Variants in SCD5 observed in about 807,000 individuals in gnomAD.
SCD5 encodes the protein stearoyl-CoA desaturase 5, also known as acyl-CoA-desaturase 4.
In SCD5, 20 loss-of-function variants were observed where a neutral mutation model predicts 30.4. That is an observed-to-expected ratio of 0.66 (90% confidence interval 0.46 to 0.96). The LOEUF is 0.96. Ranked by LOEUF, SCD5 falls within the 40% of genes least tolerant of loss-of-function variation. The pLI is 0.00. For missense variants in SCD5, 381 were observed against 443.3 expected, an observed-to-expected ratio of 0.86 and a Z score of 1.26; for synonymous variants, 173 against 176.4, an observed-to-expected ratio of 0.98 and a Z score of 0.16.
chr4:82,778,765 A>G (rs887745180), intron 1 of SCD5, among the ~76,000 whole-genome samples: 1 of 152,236 alleles, frequency 6.6e-6, no homozygotes, highest in African/African-American at 2.4e-5. Flanking sequence ...GCAGAATAAC[A>G]GCTCCCAGAG....
chr4:82,739,414 A>G (rs1286368005), intron 1 of SCD5, among the ~76,000 whole-genome samples: 1 of 152,228 alleles, frequency 6.6e-6, no homozygotes, highest in African/African-American at 2.4e-5. Flanking sequence ...TTAAATTTCC[A>G]GCAATTTATG....
intron 1 of SCD5, among the ~76,000 whole-genome samples, chr4:82,770,722 A>C (rs1388963755): frequency 6.6e-6 from 1 of 152,208 alleles, no homozygotes; most frequent in Admixed American, 6.5e-5. Context: ...ATGGCTTCTT[A>C]CCACAAGCTC....
At chr4:82,751,245 G>A (rs1721094968) in intron 1 of SCD5, among the ~76,000 whole-genome samples, 1 of 152,108 alleles carries the variant, frequency 6.6e-6, no homozygotes, top group Non-Finnish European at 1.5e-5. Flanking sequence ...GCTCAGGCTG[G>A]AGTGCAGTGG....
intron 1 of SCD5, among the ~76,000 whole-genome samples, chr4:82,737,525 A>AT (rs994948673): frequency 6.6e-6 from 1 of 152,086 alleles, no homozygotes; most frequent in Non-Finnish European, 1.5e-5. Context: ...CTGCTGCCCC[A>AT]TTTTCTGGTG....
chr4:82,766,272 C>T (rs11726264), intron 1 of SCD5, among the ~76,000 whole-genome samples: 41,280 of 152,130 alleles, frequency 0.27, 6,848 homozygotes, highest in African/African-American at 0.47. Flanking sequence ...TCTGTTCTTT[C>T]CTTCTTTTTC....
intron 1 of SCD5, among the ~76,000 whole-genome samples, chr4:82,797,172 A>T (rs1722242886): frequency 6.6e-6 from 1 of 152,194 alleles, no homozygotes; most frequent in African/African-American, 2.4e-5. Context: ...CACCATGCCA[A>T]AAAAGCCCTG....
intron 1 of SCD5, among the ~76,000 whole-genome samples, chr4:82,797,212 C>T (rs1200137150): frequency 6.6e-6 from 1 of 152,188 alleles, no homozygotes; most frequent in African/African-American, 2.4e-5. Flanking sequence ...CTTCCTTCCT[C>T]TTCCCCTCTG....
At chr4:82,726,556 C>T (rs1720473662) in intron 1 of SCD5, among the ~76,000 whole-genome samples, 1 of 129,236 alleles carries the variant, frequency 7.7e-6, no homozygotes, top group African/African-American at 3.6e-5. Flanking sequence ...AAGAAAGCAG[C>T]TGTTTTTTTT....
At chr4:82,693,531 T>C (rs1282839879) in intron 2 of SCD5, among the ~76,000 whole-genome samples, 1 of 152,012 alleles carries the variant, frequency 6.6e-6, no homozygotes, top group Non-Finnish European at 1.5e-5. Context: ...AGAGAGAGCT[T>C]ATTGGAAATT....
At chr4:82,706,440 G>A (rs572406034) in intron 1 of SCD5, among the ~76,000 whole-genome samples, 1 of 152,350 alleles carries the variant, frequency 6.6e-6, no homozygotes, top group East Asian at 1.9e-4. Context: ...TTGCATGGTT[G>A]TCTGTCTATC....
chr4:82,712,970 T>G (rs1042222686), intron 1 of SCD5, among the ~76,000 whole-genome samples: 4 of 152,232 alleles, frequency 2.6e-5, no homozygotes, highest in African/African-American at 9.6e-5. Flanking sequence ...GACTGCAAGC[T>G]GAGAAGCAAA....
chr4:82,634,012 T>C (rs540940688), intron 4 of SCD5, among the ~76,000 whole-genome samples: 165 of 152,360 alleles, frequency 1.1e-3, no homozygotes, highest in Non-Finnish European at 1.9e-3. Flanking sequence ...CAATATGTAG[T>C]CCTTTGTGAC....
intron 3 of SCD5, among the ~76,000 whole-genome samples, chr4:82,676,659 G>A (rs1728442893): frequency 6.6e-6 from 1 of 152,198 alleles, no homozygotes; most frequent in Non-Finnish European, 1.5e-5. Context: ...AGGAATCCAG[G>A]GCCTGGCCCA....
intron 2 of SCD5, among the ~76,000 whole-genome samples, chr4:82,701,754 A>T (rs573988972): frequency 6.6e-6 from 1 of 152,252 alleles, no homozygotes; most frequent in Admixed American, 6.5e-5. Flanking sequence ...CCATGACTTG[A>T]TAAGGAAATA....
intron 3 of SCD5, among the ~76,000 whole-genome samples, chr4:82,653,212 T>G (rs551149722): frequency 1.2e-3 from 185 of 152,290 alleles, no homozygotes; most frequent in Middle Eastern, 6.8e-3. Context: ...CTAATACAAC[T>G]GTAACCAAAC....
At chr4:82,670,508 G>C (rs1392455416) in intron 3 of SCD5, among the ~76,000 whole-genome samples, 1 of 151,548 alleles carries the variant, frequency 6.6e-6, no homozygotes, top group Non-Finnish European at 1.5e-5. Context: ...ACAAAAGGCA[G>C]AAAAAGAATA....
intron 1 of SCD5, among the ~76,000 whole-genome samples, chr4:82,787,211 T>C (rs773060521): frequency 1.3e-5 from 2 of 152,216 alleles, no homozygotes; most frequent in Non-Finnish European, 2.9e-5. Context: ...ACTTGAAAGA[T>C]GTGGAAAATG....
chr4:82,757,979 C>A (rs1721267579), intron 1 of SCD5, among the ~76,000 whole-genome samples: 1 of 152,136 alleles, frequency 6.6e-6, no homozygotes, highest in Admixed American at 6.5e-5. Flanking sequence ...CTGGAGAAGT[C>A]AAAAAAGTAA....
At chr4:82,772,475 A>G (rs1401616079) in intron 1 of SCD5, among the ~76,000 whole-genome samples, 1 of 152,256 alleles carries the variant, frequency 6.6e-6, no homozygotes, top group Admixed American at 6.5e-5. Context: ...TTACAAACAT[A>G]TCCCTAACTC....
Sources: gnomAD v4.1 joint callset for allele counts (sites outside exome capture counted in the v4.1 genomes callset) on GRCh38, gnomAD v4.1.1 for gene constraint, MANE v1.5 for transcripts, NCBI Gene and HGNC (gene_info 2026-07-23, HGNC 2026-07-21) for gene names.